The following HYOU1 variants were observed in gnomAD, a reference collection of about 807,000 sequenced individuals.
HYOU1 encodes the protein hypoxia up-regulated 1.
In HYOU1, 40 loss-of-function variants were observed where a neutral mutation model predicts 120.5. That is an observed-to-expected ratio of 0.33 (90% confidence interval 0.26 to 0.43). HYOU1 has a LOEUF of 0.43. HYOU1 is among the 20% of genes least tolerant of loss of function. The probability of loss-of-function intolerance (pLI) is 1.00; values close to 1 mark genes in which losing one functional copy is unlikely to be tolerated. For missense variants in HYOU1, 1,085 were observed against 1,278.3 expected (o/e 0.85, Z 2.31); for synonymous variants, 501 against 479.4 (o/e 1.05, Z -0.59).
rs1450815922 is a variant in HYOU1, at chr11:119,049,466, G to A, written c.1806+90C>T. On this transcript the variant is annotated intron_variant, in intron 16 of 25. Coordinates refer to ENST00000617285, the MANE Select transcript of HYOU1 (RefSeq NM_006389.5). The stretch of plus-strand genomic sequence containing the variant: ...GTGAATGGTTAACACAACAGGGGCA[G>A]GGGTGGCCTACCCTCACCCCCTTCC... 2.6e-6 allele frequency: 4 copies of A among 1,557,408 alleles called. No individual in the cohort carries two copies. The African/African-American group carries it at 4.1e-5, about 16-fold the overall frequency.
Position 119,048,925 on chromosome 11 carries a change from G to A in HYOU1, c.1993-39C>T, listed in dbSNP as rs1944247689. The stretch of plus-strand genomic sequence containing the variant: ...GTCAGGGGTGTCAGGAAAAGCCTCT[G>A]CCCTCCTACATTCTCCACAAGGCCA... On this transcript the variant is annotated intron_variant, in intron 17 of 25. Transcript: ENST00000617285. This position sits in a 1 kb window ranked among gnomAD's most constrained non-coding sequence, Gnocchi z 4.7. 1 of 1,606,104 alleles carries A rather than the reference G, an allele frequency of 6.2e-7. No homozygotes were observed. Among genetic ancestry groups the A allele is most frequent in the East Asian group, 2.2e-5 (1 of 44,876 alleles).
Position 119,055,627 on chromosome 11 carries a change from C to A in HYOU1, c.186-56G>T, listed in dbSNP as rs371123507. ...CTGCAGCAGAAGGACTCAGAAGCCT[C>A]GACACTCACACACATTTAACCACTC... On this transcript the variant is annotated intron_variant, in intron 3 of 25. Coordinates refer to ENST00000617285, the MANE Select transcript of HYOU1 (RefSeq NM_006389.5). The surrounding 1 kb of genome is among the most constrained non-coding windows in gnomAD (Gnocchi z 4.0). The A allele has an allele frequency of 1.3e-6, 2 of 1,534,810 alleles. No homozygotes were observed. The highest frequency in any genetic ancestry group is 2.7e-5 in the African/African-American group (2 of 73,386).
intron 6 of HYOU1, 83 bp from the exon 7 acceptor site, chr11:119,054,758 A>C (rs1944652592): frequency 7.1e-7 from 1 of 1,416,246 alleles, no homozygotes; most frequent in East Asian, 2.3e-5. Context: ...GACATTTTGG[A>C]CTAGGTAATT....
rs1944653326 is a variant in HYOU1, at chr11:119,054,763, G to A, written c.497-88C>T. 1.1e-4 allele frequency: 154 copies of A among 1,370,484 alleles called. No individual in the cohort carries two copies. In the South Asian group the frequency reaches 1.9e-3, roughly 17 times the overall value. The allele number at this position is 1,370,484 out of a possible 1,614,324, so 84.9% of individuals were successfully genotyped here. A position where few individuals can be genotyped will look rare whatever the true frequency, so the allele number is the denominator to read the frequency against. Reference sequence around the variant, plus strand: ...GGTCACTAATGACATTTTGGACTAGGTAATTCTGTGTTGTGGGGCTGTCCT... The same window carrying A: ...GGTCACTAATGACATTTTGGACTAGATAATTCTGTGTTGTGGGGCTGTCCT... On this transcript the variant is annotated intron_variant, in intron 6 of 25. Transcript: ENST00000617285.
Position 119,054,521 on chromosome 11 carries a change from G to A in HYOU1, c.651C>T (p.Arg217=), listed in dbSNP as rs2133605590. ...GGGCAGTGGTGTTAATATCTTTCCG[G>A]CGGAAGACACCATAGCTGAGGGCAG... ...TATALSYGVF[R]RKDINTTAQN... is the part of the protein sequence containing the mutation. Residue 217 remains arginine, a synonymous_variant, in exon 7 of 26, where the codon CGC becomes CGT. Transcript: ENST00000617285. 1 of 1,614,168 alleles carries A rather than the reference G, an allele frequency of 6.2e-7. No homozygotes were observed. Among genetic ancestry groups the A allele is most frequent in the Admixed American group, 1.7e-5 (1 of 60,010 alleles).
chr11:119,051,528 C>T lies in HYOU1; in HGVS notation c.1436G>A (p.Arg479His). The T allele has an allele frequency of 1.2e-6, 2 of 1,614,110 alleles. No homozygotes were observed. Among genetic ancestry groups the T allele is most frequent in the South Asian group, 1.1e-5 (1 of 91,074 alleles). The change falls in exon 13 of 26, where the codon CGC becomes CAC. Residue 479 changes from arginine (R) to histidine (H), a missense_variant. Around this residue, in one of 4 missense-constraint regions of HYOU1, gnomAD observed 515 missense variants for 677.8 expected, o/e 0.76. Coordinates refer to ENST00000617285, the MANE Select transcript of HYOU1 (RefSeq NM_006389.5). This position sits in a 1 kb window ranked among gnomAD's most constrained non-coding sequence, Gnocchi z 4.2. ...LFSRMGPYPQ[R>H]KVITFNRYSH... ...GTAGCGGTTAAAGGTGATGACTTTG[C>T]GTTGAGGGTAGGGCCCCATCCGAGA...
rs2133596206 is a variant in HYOU1 at position 119,052,844 on chromosome 11, G to C, written c.795-15C>G. The C allele has an allele frequency of 6.2e-7, 1 of 1,602,650 alleles. No homozygotes were observed. The highest frequency in any genetic ancestry group is 8.5e-7 in the Non-Finnish European group (1 of 1,174,746). On this transcript the variant is annotated splice_polypyrimidine_tract_variant and intron_variant, in intron 8 of 25. Coordinates refer to ENST00000617285, the MANE Select transcript of HYOU1 (RefSeq NM_006389.5). This position sits in a 1 kb window ranked among gnomAD's most constrained non-coding sequence, Gnocchi z 5.0. ...TACGGTCAAATCTGTTGAGAAAAGG[G>C]AGCAGGGAAAAAAGTGAAGAACACA...
intron 8 of HYOU1, 64 bp downstream of exon 8, chr11:119,054,057 C>T (rs56055432): frequency 9.8e-7 from 1 of 1,019,134 alleles, no homozygotes; most frequent in South Asian, 1.3e-5. Context: ...TGTGTCTCCT[C>T]CAAGAAGAAA....
In HYOU1 at chr11:119,051,684, G is replaced by A. The variant is rs2133587217; in HGVS notation, c.1339-59C>T. ...ACACTAGAGAACCCGAGTAGGTTCT[G>A]GGGTAAGGATGGGGGTGGGATGGGG... On this transcript the variant is annotated intron_variant, in intron 12 of 25. Transcript: ENST00000617285. This position sits in a 1 kb window ranked among gnomAD's most constrained non-coding sequence, Gnocchi z 4.2. 6 of 1,600,722 alleles carry A rather than the reference G, an allele frequency of 3.7e-6. No individual in the cohort carries two copies. The African/African-American group carries it at 5.4e-5, about 14-fold the overall frequency.
At chr11:119,046,284 TTTA>T in intron 24 of HYOU1, 130 bp downstream of exon 24, 5 of 756,636 alleles carry the variant, frequency 6.6e-6, no homozygotes, top group East Asian at 2.7e-5. Flanking sequence ...TTTTTTTTTT[TTTA>T]AACAACCCTT....
At chr11:119,047,352 C>T (rs1000373735) in intron 22 of HYOU1, 3 of 238,172 alleles carry the variant, frequency 1.3e-5, no homozygotes, top group African/African-American at 2.3e-5. Flanking sequence ...CAGCTGAATA[C>T]TCATTTCTTG....
At position 119,051,695 on chromosome 11, in the gene HYOU1, G is replaced by T. The variant is rs924365290; in HGVS notation, c.1339-70C>A. 3 of 1,597,266 alleles carry T rather than the reference G, an allele frequency of 1.9e-6. No individual in the cohort carries two copies. The highest frequency in any genetic ancestry group is 3.4e-5 in the Admixed American group (2 of 59,580). On this transcript the variant is annotated intron_variant, in intron 12 of 25. Transcript: ENST00000617285. This position sits in a 1 kb window ranked among gnomAD's most constrained non-coding sequence, Gnocchi z 4.2. ...CCCGAGTAGGTTCTGGGGTAAGGAT[G>T]GGGGTGGGATGGGGGAGACCTCTTA...
Position 119,055,928 on chromosome 11 carries a change from T to C in HYOU1, c.92-85A>G. The C allele has an allele frequency of 7.1e-7, 1 of 1,409,074 alleles. No homozygotes were observed. 87.3% of individuals were successfully genotyped at this position (1,409,074 alleles called of 1,614,324 possible). ...TCTAATCAAAGCATACCACTTTCCATGGGTAAACGAAGATGGCAAAAGACA... is the reference window on the plus strand; with the variant it reads ...TCTAATCAAAGCATACCACTTTCCACGGGTAAACGAAGATGGCAAAAGACA... On this transcript the variant is annotated intron_variant, in intron 2 of 25. Coordinates refer to ENST00000617285, the MANE Select transcript of HYOU1 (RefSeq NM_006389.5). The surrounding 1 kb of genome is among the most constrained non-coding windows in gnomAD (Gnocchi z 4.0).
Position 119,055,099 on chromosome 11 carries a change from G to A in HYOU1, c.420-39C>T, listed in dbSNP as rs2133610020. ...AGGTAGTTGGAGCCAAGGAAAGCCA[G>A]GCATTAAGGCAGGACAATCAGGAAC... is the stretch of plus-strand genomic sequence containing the variant. On this transcript the variant is annotated intron_variant, in intron 5 of 25. Transcript: ENST00000617285. The surrounding 1 kb of genome is among the most constrained non-coding windows in gnomAD (Gnocchi z 4.0). The A allele has an allele frequency of 1.2e-6, 2 of 1,613,620 alleles. No homozygotes were observed. Among genetic ancestry groups the A allele is most frequent in the African/African-American group, 1.3e-5 (1 of 75,032 alleles).
intron 21 of HYOU1, 35 bp downstream of exon 21, chr11:119,047,912 G>C (rs1404589166): frequency 8.1e-6 from 13 of 1,613,918 alleles, no homozygotes; most frequent in Non-Finnish European, 1.1e-5. Context: ...CAGTGGCCTT[G>C]GCAGGACTGC....
rs200889803 is a variant in HYOU1 at position 119,047,982 on chromosome 11, G to T, written c.2475C>A (p.Leu825=). 6.2e-7 allele frequency: 1 copy of T among 1,614,146 alleles called. No individual in the cohort carries two copies. The highest frequency in any genetic ancestry group is 1.1e-5 in the South Asian group (1 of 91,080). The change falls in exon 21 of 26, where the codon CTC becomes CTA. Residue 825 remains leucine (L), a synonymous_variant. Transcript: ENST00000617285. ...TGCTGGAATGGTTGAGGAGATTATCGAGGGCAGACAGCCGTTCGGGCCACT... is the reference window on the plus strand; with the variant it reads ...TGCTGGAATGGTTGAGGAGATTATCTAGGGCAGACAGCCGTTCGGGCCACT... ...RKKWPERLSA[L]DNLLNHSSMF... is the part of the protein sequence containing the mutation.
chr11:119,056,020 C>T, intron 2 of HYOU1, 50 bp downstream of exon 2: 1 of 1,518,950 alleles, frequency 6.6e-7, no homozygotes, highest in Non-Finnish European at 9.1e-7. Flanking sequence ...TCCCATCATG[C>T]ATCCTTCAGT....
intron 1 of HYOU1, chr11:119,056,735 C>T: frequency 4.0e-6 from 1 of 247,322 alleles, no homozygotes; most frequent in South Asian, 4.3e-5. Context: ...TGCCCACAGA[C>T]GCAGTGCCAG....
chr11:119,056,896 G>T (rs1944814041), intron 1 of HYOU1, 124 bp downstream of exon 1: 1 of 154,776 alleles, frequency 6.5e-6, no homozygotes, highest in Non-Finnish European at 1.4e-5. Flanking sequence ...CGTGCCCCCC[G>T]GTGCGAGGCC....
Sources: allele counts gnomAD v4.1 joint callset, GRCh38; gene constraint gnomAD v4.1.1; regional missense constraint gnomAD v4.1.1; non-coding constraint Gnocchi (gnomAD v3.1); transcripts MANE v1.5; gene names NCBI Gene and HGNC (gene_info 2026-07-23, HGNC 2026-07-21).